The following RNF125 variants were observed in gnomAD, a reference collection of about 807,000 sequenced individuals.
RNF125 encodes the protein E3 ubiquitin-protein ligase RNF125.
A neutral mutation model predicts 26.0 loss-of-function variants in RNF125; 21 were observed. The observed-to-expected ratio is 0.81, with a 90% CI of 0.57 to 1.16. The LOEUF (loss-of-function observed/expected upper bound fraction) is 1.16. RNF125 is among the 50% of genes most tolerant of loss of function. The pLI is 0.00. For synonymous variants in RNF125, 95 were observed against 109.2 expected, an observed-to-expected ratio of 0.87 and a Z score of 0.81; for missense variants, 270 against 299.4, an observed-to-expected ratio of 0.90 and a Z score of 0.72.
At chr18:32,039,364 C>A (rs1165032503) in intron 2 of RNF125, among the ~76,000 whole-genome samples, 1 of 151,936 alleles carries the variant, frequency 6.6e-6, no homozygotes, top group African/African-American at 2.4e-5. Flanking sequence ...CCACTGCACT[C>A]CAGCTTGGGC....
chr18:32,080,127 C>A, the RNF125 span, among the ~76,000 whole-genome samples: 2 of 152,320 alleles, frequency 1.3e-5, no homozygotes, highest in African/African-American at 4.8e-5. Flanking sequence ...CTCCTGGGAT[C>A]AAGCGATTCT....
intron 4 of RNF125, among the ~76,000 whole-genome samples, chr18:32,054,918 C>T (rs555136534): frequency 6.6e-6 from 1 of 152,206 alleles, no homozygotes; most frequent in East Asian, 1.9e-4. Context: ...ATCTAATCTG[C>T]AAAGTATATA....
chr18:32,075,772 T>A, downstream of RNF125: 1 of 520,612 alleles, frequency 1.9e-6, no homozygotes, highest in Non-Finnish European at 3.5e-6. Context: ...GATTGTGCCA[T>A]GCCACCTTTT....
intron 1 of RNF125, among the ~76,000 whole-genome samples, chr18:32,020,946 C>T (rs1235911153): frequency 6.6e-6 from 1 of 152,270 alleles, no homozygotes; most frequent in East Asian, 1.9e-4. Context: ...TTTGAAAGGA[C>T]TTAGGTAATC....
the RNF125 span, among the ~76,000 whole-genome samples, chr18:32,081,193 GAA>G: frequency 0.013 from 1,400 of 104,378 alleles, 23 homozygotes; most frequent in African/African-American, 0.049. Context: ...GACTACATCT[GAA>G]AAAAAAAAAA....
intron 4 of RNF125, among the ~76,000 whole-genome samples, chr18:32,047,107 G>A (rs1234046068): frequency 6.6e-6 from 1 of 152,104 alleles, no homozygotes; most frequent in East Asian, 1.9e-4. Context: ...CTTGATCTTG[G>A]CTCACTGCAA....
At chr18:32,024,069 C>A (rs1406945022) in intron 1 of RNF125, among the ~76,000 whole-genome samples, 1 of 151,738 alleles carries the variant, frequency 6.6e-6, no homozygotes, top group African/African-American at 2.4e-5. Flanking sequence ...TTCCAACTTT[C>A]TATATTCATT....
intron 5 of RNF125, among the ~76,000 whole-genome samples, chr18:32,066,563 T>A (rs2039487296): frequency 6.6e-6 from 1 of 152,222 alleles, no homozygotes; most frequent in African/African-American, 2.4e-5. Context: ...ATTATTATTA[T>A]CCAGGTTGGA....
In RNF125 at chr18:32,072,954, AGT is replaced by A. The variant is rs2039545374; in HGVS notation, c.*4573_*4574del. ...ATTTCATTACTGTTACTGGGTGCCA[AGT>A]GTCTTTCATTTGGAAGTGAACTTAC... On this transcript the variant is annotated 3_prime_UTR_variant, in exon 6 of 6. Transcript: ENST00000217740. 1 of 152,186 alleles carries A rather than the reference AGT, an allele frequency of 6.6e-6. No individual in the cohort carries two copies. The highest frequency in any genetic ancestry group is 2.1e-4 in the South Asian group (1 of 4,830). The allele number at this position is 152,186 out of a possible 1,614,324, so 9.4% of individuals were successfully genotyped here.
At chr18:32,046,236 A>AG (rs10622299) in intron 4 of RNF125, among the ~76,000 whole-genome samples, 17,892 of 108,734 alleles carry the variant, frequency 0.16, 1,038 homozygotes, top group Non-Finnish European at 0.2. Context: ...AAAAAAAAAA[A>AG]AGAGAAAGAG....
At chr18:32,054,823 A>T (rs1050664976) in intron 4 of RNF125, among the ~76,000 whole-genome samples, 1 of 152,206 alleles carries the variant, frequency 6.6e-6, no homozygotes, top group Non-Finnish European at 1.5e-5. Flanking sequence ...AGGTCTAGGC[A>T]TAAGGAAATA....
intron 4 of RNF125, among the ~76,000 whole-genome samples, chr18:32,060,046 A>G (rs976869890): frequency 6.6e-6 from 1 of 152,242 alleles, no homozygotes; most frequent in East Asian, 1.9e-4. Flanking sequence ...AAACAAAGGT[A>G]GAGAAAATCT....
At chr18:32,053,012 A>C (rs541011915) in intron 4 of RNF125, among the ~76,000 whole-genome samples, 1 of 152,248 alleles carries the variant, frequency 6.6e-6, no homozygotes, top group East Asian at 1.9e-4. Flanking sequence ...TTTCTATTAA[A>C]TATTAAATCA....
intron 4 of RNF125, among the ~76,000 whole-genome samples, chr18:32,059,639 AT>A (rs1317079470): frequency 6.6e-6 from 1 of 151,786 alleles, no homozygotes. Context: ...CCATTTGTCC[AT>A]TTTCGCTTTG....
rs745809061 is a variant in RNF125 at position 32,031,486 on chromosome 18, G to GAAAAAAAAAA, written c.165-5613_165-5604dup. 22 of 20,956 alleles carry GAAAAAAAAAA rather than the reference G, an allele frequency of 1.0e-3. 3 individuals carry two copies. Among genetic ancestry groups the GAAAAAAAAAA allele is most frequent in the African/African-American group, 2.2e-3 (19 of 8,828 alleles). 1.3% of individuals were successfully genotyped at this position (20,956 alleles called of 1,614,324 possible). The stretch of plus-strand genomic sequence containing the variant: ...CATTGGCATACAACTCAAATTGTGG[G>GAAAAAAAAAA]AAAAAAAAAAAAAAAAAAAAAAAAA... On this transcript the variant is annotated intron_variant, in intron 1 of 5. Coordinates refer to ENST00000217740, the MANE Select transcript of RNF125 (RefSeq NM_017831.4).
rs906355017 is a variant in RNF125 at position 32,069,334 on chromosome 18, T to C, written c.*950T>C. 2 of 152,200 alleles carry C rather than the reference T, an allele frequency of 1.3e-5. No individual in the cohort carries two copies. Among genetic ancestry groups the C allele is most frequent in the Admixed American group, 1.3e-4 (2 of 15,274 alleles). 9.4% of individuals were successfully genotyped at this position (152,200 alleles called of 1,614,324 possible). A position where few individuals can be genotyped will look rare whatever the true frequency, so the allele number is the denominator to read the frequency against. On this transcript the variant is annotated 3_prime_UTR_variant, in exon 6 of 6. Transcript: ENST00000217740. ...TGCATACATAAGAATTCAATATTTT[T>C]CAAATATTTATAGCTTATTTAGAAA...
intron 1 of RNF125, among the ~76,000 whole-genome samples, chr18:32,031,910 TTG>T (rs920875549): frequency 5.4e-4 from 82 of 152,154 alleles, no homozygotes; most frequent in African/African-American, 1.8e-3. Flanking sequence ...TCTTTTTTTT[TTG>T]AGAGAGAGAG....
chr18:32,084,436 T>G, the RNF125 span, among the ~76,000 whole-genome samples: 6 of 152,186 alleles, frequency 3.9e-5, no homozygotes, highest in Admixed American at 2.0e-4. Flanking sequence ...TGAAATCTAT[T>G]CATCATTACT....
downstream of RNF125, chr18:32,076,076 T>C: frequency 1.5e-6 from 1 of 688,134 alleles, no homozygotes; most frequent in Non-Finnish European, 2.7e-6. Flanking sequence ...TTGTTTAGCC[T>C]GCCTGTGAGG....
Sources: gnomAD v4.1 joint callset for allele counts (sites outside exome capture counted in the v4.1 genomes callset) on GRCh38, gnomAD v4.1.1 for gene constraint, MANE v1.5 for transcripts, NCBI Gene and HGNC (gene_info 2026-07-23, HGNC 2026-07-21) for gene names.